The following CSRNP3 variants were observed in gnomAD, a reference collection of about 807,000 sequenced individuals.
CSRNP3 encodes cysteine and serine rich nuclear protein 3, also known as cysteine/serine-rich nuclear protein 3.
In CSRNP3, 12 loss-of-function variants were observed where a neutral mutation model predicts 48.0. The ratio of observed to expected loss-of-function variants is 0.25; its 90% CI spans 0.16 to 0.41. The LOEUF (loss-of-function observed/expected upper bound fraction) is 0.41, where lower values mean the gene tolerates loss of function less well. Among genes scored for constraint, CSRNP3 ranks in the 10% least tolerant of loss-of-function variants. CSRNP3 has a pLI of 1.00. For synonymous variants in CSRNP3, 263 were observed against 269.7 expected, an observed-to-expected ratio of 0.98 and a Z score of 0.24; for missense variants, 580 against 724.4, an observed-to-expected ratio of 0.80 and a Z score of 2.29.
intron 3 of CSRNP3, among the ~76,000 whole-genome samples, chr2:165,528,223 TC>T (rs1684766027): frequency 6.6e-6 from 1 of 152,220 alleles, no homozygotes; most frequent in Non-Finnish European, 1.5e-5. Context: ...GGATATTAAC[TC>T]CCTATCAGAT....
intron 4 of CSRNP3, among the ~76,000 whole-genome samples, chr2:165,648,843 T>C (rs1334479385): frequency 2.0e-5 from 3 of 152,218 alleles, no homozygotes; most frequent in Non-Finnish European, 4.4e-5. Context: ...TTTCAGAATT[T>C]ACATCAAAAT....
chr2:165,671,975 G>T (rs914507151), intron 5 of CSRNP3, among the ~76,000 whole-genome samples: 3 of 152,112 alleles, frequency 2.0e-5, no homozygotes, highest in African/African-American at 7.2e-5. Context: ...TTGCCAACAG[G>T]TTCCTCATCT....
In CSRNP3 at chr2:165,507,386, T is replaced by C. The variant is rs143353235; in HGVS notation, c.-112-10487T>C. On this transcript the variant is annotated intron_variant, in intron 2 of 6. Transcript: ENST00000651982. ...ACCCCAGAACCTAAGCATCTTTTAT[T>C]ACATCATCATGCCACTAATATTTCT... Among the ~76,000 whole-genome samples the C allele has an allele frequency of 6.5e-3, 987 of 152,290 alleles. 7 individuals carry two copies. Among genetic ancestry groups the C allele is most frequent in the South Asian group, 0.028 (136 of 4,828 alleles).
In CSRNP3 at chr2:165,473,667, G is replaced by A. The variant is rs562203805; in HGVS notation, c.-283+3927G>A. Among the ~76,000 whole-genome samples, 105 of 152,222 alleles carry A rather than the reference G, an allele frequency of 6.9e-4. 1 individual carries two copies. Among genetic ancestry groups the A allele is most frequent in the Non-Finnish European group, 1.1e-3 (78 of 67,970 alleles). ...ATTATTGCTTTTTAATTATGATTTG[G>A]TATGAAGAAGCAAGGAATGGATTTA... On this transcript the variant is annotated intron_variant, in intron 1 of 6. Coordinates refer to ENST00000651982, the MANE Select transcript of CSRNP3 (RefSeq NM_001172173.2).
chr2:165,584,487 G>A (rs1685596328), intron 3 of CSRNP3, among the ~76,000 whole-genome samples: 1 of 152,136 alleles, frequency 6.6e-6, no homozygotes, highest in Non-Finnish European at 1.5e-5. Context: ...TTTCCATTAT[G>A]GGTGATGTCA....
intron 6 of CSRNP3, among the ~76,000 whole-genome samples, chr2:165,678,365 A>G (rs1490791737): frequency 6.6e-6 from 1 of 152,184 alleles, no homozygotes; most frequent in Non-Finnish European, 1.5e-5. Flanking sequence ...AGCATTCAAA[A>G]CATGGGAGCA....
chr2:165,470,401 C>A (rs1285413138), intron 1 of CSRNP3, among the ~76,000 whole-genome samples: 3 of 152,038 alleles, frequency 2.0e-5, no homozygotes, highest in Admixed American at 6.6e-5. Flanking sequence ...TGTTAACTTA[C>A]ATGGAGCCAT....
intron 4 of CSRNP3, among the ~76,000 whole-genome samples, chr2:165,601,905 T>C (rs900942000): frequency 6.6e-6 from 1 of 152,212 alleles, no homozygotes; most frequent in African/African-American, 2.4e-5. Flanking sequence ...TTAAAATGCA[T>C]TGAAGATTTA....
intron 4 of CSRNP3, among the ~76,000 whole-genome samples, chr2:165,621,403 T>C (rs907760040): frequency 1.8e-4 from 27 of 151,998 alleles, no homozygotes; most frequent in Non-Finnish European, 3.8e-4. Context: ...ATGCTAAGAA[T>C]GGAAGGTACA....
At chr2:165,495,163 C>T (rs1444300859) in intron 2 of CSRNP3, among the ~76,000 whole-genome samples, 2 of 151,924 alleles carry the variant, frequency 1.3e-5, no homozygotes, top group Non-Finnish European at 2.9e-5. Context: ...GGTAAGCAGA[C>T]AGCAACTGGA....
chr2:165,535,100 T>C (rs1352689514), intron 3 of CSRNP3, among the ~76,000 whole-genome samples: 2 of 151,824 alleles, frequency 1.3e-5, no homozygotes, highest in Non-Finnish European at 2.9e-5. Context: ...TTGTTAGTTA[T>C]GTTTACCAGC....
At chr2:165,492,361 T>C (rs1684224618) in intron 1 of CSRNP3, among the ~76,000 whole-genome samples, 1 of 152,096 alleles carries the variant, frequency 6.6e-6, no homozygotes, top group Non-Finnish European at 1.5e-5. Flanking sequence ...GCCAAAGTCC[T>C]TGAAGGCTCT....
At chr2:165,543,676 C>T (rs1411861679) in intron 3 of CSRNP3, among the ~76,000 whole-genome samples, 1 of 151,812 alleles carries the variant, frequency 6.6e-6, no homozygotes. Flanking sequence ...TTTTCATGGG[C>T]ACATACTAAT....
At chr2:165,640,250 C>T (rs1334722497) in intron 4 of CSRNP3, among the ~76,000 whole-genome samples, 1 of 152,184 alleles carries the variant, frequency 6.6e-6, no homozygotes, top group Non-Finnish European at 1.5e-5. Context: ...ATCCTCATAA[C>T]AGCACTATGT....
At chr2:165,639,361 T>A (rs973960720) in intron 4 of CSRNP3, among the ~76,000 whole-genome samples, 5 of 152,200 alleles carry the variant, frequency 3.3e-5, no homozygotes, top group African/African-American at 1.2e-4. Context: ...AATTTTTCAC[T>A]GTTCTGCGAG....
At chr2:165,531,431 C>A (rs1215312832) in intron 3 of CSRNP3, among the ~76,000 whole-genome samples, 2 of 152,152 alleles carry the variant, frequency 1.3e-5, no homozygotes, top group Admixed American at 1.3e-4. Context: ...ACAGGCTTGG[C>A]TGGTAAATTT....
chr2:165,501,796 A>G (rs992568925), intron 2 of CSRNP3, among the ~76,000 whole-genome samples: 3 of 152,134 alleles, frequency 2.0e-5, no homozygotes, highest in Admixed American at 6.6e-5. Flanking sequence ...GTTAAATACA[A>G]TTAGGGTCTC....
At chr2:165,611,472 AAG>A (rs1445776188) in intron 4 of CSRNP3, among the ~76,000 whole-genome samples, 2 of 152,090 alleles carry the variant, frequency 1.3e-5, no homozygotes, top group African/African-American at 4.8e-5. Context: ...AAAAAAATAA[AAG>A]AATAAAAATT....
rs1687208103 is a variant in CSRNP3 at position 165,666,498 on chromosome 2, GAA to G, written c.408+8480_408+8481del. Among the ~76,000 whole-genome samples the G allele has an allele frequency of 4.8e-5, 2 of 41,520 alleles. 1 individual carries two copies. The highest frequency in any genetic ancestry group is 1.2e-4 in the Non-Finnish European group (2 of 16,256). 27.2% of individuals were successfully genotyped at this position (41,520 alleles called of 152,430 possible). On this transcript the variant is annotated intron_variant, in intron 5 of 6. Transcript: ENST00000651982. ...GAAAGACAGAGAGGAAGGAAGGGAG[GAA>G]AGAGAGAGAGGAAGAAAGAAAGACA...
Sources: allele counts gnomAD v4.1 joint callset (sites outside exome capture counted in the v4.1 genomes callset), GRCh38; gene constraint gnomAD v4.1.1; transcripts MANE v1.5; gene names NCBI Gene and HGNC (gene_info 2026-07-23, HGNC 2026-07-21).